Variants in EXOC6B observed in about 807,000 individuals in gnomAD.
The protein encoded by EXOC6B is SEC15 homolog B.
EXOC6B carries 54 observed loss-of-function variants against 113.5 expected under a neutral mutation model. The ratio of observed to expected loss-of-function variants is 0.48; its 90% CI spans 0.38 to 0.60. The LOEUF (loss-of-function observed/expected upper bound fraction) is 0.60, where lower values mean the gene tolerates loss of function less well. Among genes scored for constraint, EXOC6B ranks in the 20% least tolerant of loss-of-function variants. EXOC6B has a pLI of 0.00. For missense variants in EXOC6B, 797 were observed against 977.5 expected (o/e 0.82, Z 2.46); for synonymous variants, 357 against 339.0 (o/e 1.05, Z -0.58).
rs374318382 is a variant in EXOC6B at position 72,495,465 on chromosome 2, G to A, written c.1518C>T (p.Tyr506=). 2.4e-5 allele frequency: 39 copies of A among 1,604,878 alleles called. No individual in the cohort carries two copies. The highest frequency in any genetic ancestry group is 3.3e-4 in the Middle Eastern group (2 of 6,054). The change falls in exon 15 of 22, where the codon TAC becomes TAT. Residue 506 remains tyrosine, a synonymous_variant. Coordinates refer to ENST00000272427, the MANE Select transcript of EXOC6B (RefSeq NM_015189.3). ...GATCTTCTGAAAACTTCAGACAAGC[G>A]TAGATAAATTCTTTAATTTGGTTGT... ...KVYNQIKEFI[Y]ACLKFSEDLH... is the part of the protein sequence containing the mutation.
chr2:72,538,765 G>A (rs1271417623), intron 8 of EXOC6B, among the ~76,000 whole-genome samples: 5 of 152,162 alleles, frequency 3.3e-5, no homozygotes, highest in African/African-American at 7.2e-5. Flanking sequence ...AATGAAGTGA[G>A]ACATCCTGAA....
At chr2:72,207,725 A>G (rs190882422) in intron 20 of EXOC6B, among the ~76,000 whole-genome samples, 3 of 152,320 alleles carry the variant, frequency 2.0e-5, no homozygotes, top group Admixed American at 6.5e-5. Context: ...TTTGATGTAC[A>G]TTTGTCAAAA....
chr2:72,755,066 T>C (rs916838019), intron 1 of EXOC6B, among the ~76,000 whole-genome samples: 6 of 152,178 alleles, frequency 3.9e-5, no homozygotes, highest in Admixed American at 6.5e-5. Flanking sequence ...GGTATAATCA[T>C]TCACCAACTG....
chr2:72,356,619 C>T (rs1401718000), intron 19 of EXOC6B, among the ~76,000 whole-genome samples: 4 of 152,126 alleles, frequency 2.6e-5, no homozygotes, highest in African/African-American at 9.7e-5. Context: ...GAGAGAGTCC[C>T]AACTTAAAGA....
At chr2:72,246,633 G>C (rs1275187674) in intron 20 of EXOC6B, among the ~76,000 whole-genome samples, 1 of 150,360 alleles carries the variant, frequency 6.7e-6, no homozygotes, top group Admixed American at 6.7e-5. Context: ...TCATCCTCCC[G>C]AGTAACTAGG....
intron 20 of EXOC6B, among the ~76,000 whole-genome samples, chr2:72,296,082 A>G (rs1022330508): frequency 1.3e-5 from 2 of 152,102 alleles, no homozygotes; most frequent in East Asian, 1.9e-4. Flanking sequence ...AATCCTGAAC[A>G]TGTATGTCTC....
At chr2:72,532,713 C>T (rs1421830408) in intron 8 of EXOC6B, among the ~76,000 whole-genome samples, 3 of 152,026 alleles carry the variant, frequency 2.0e-5, no homozygotes, top group African/African-American at 7.2e-5. Context: ...GAGGCTGAGG[C>T]AGGAGAATTG....
chr2:72,473,004 T>C (rs1698505518), intron 17 of EXOC6B, among the ~76,000 whole-genome samples: 1 of 152,184 alleles, frequency 6.6e-6, no homozygotes, highest in Admixed American at 6.5e-5. Flanking sequence ...TCTCTTGGTA[T>C]TGATTTCTAG....
chr2:72,417,775 G>T (rs1173992492), intron 18 of EXOC6B, among the ~76,000 whole-genome samples: 3 of 152,054 alleles, frequency 2.0e-5, no homozygotes, highest in Non-Finnish European at 4.4e-5. Context: ...TCAATTTTGA[G>T]TTTATATTTG....
intron 20 of EXOC6B, among the ~76,000 whole-genome samples, chr2:72,223,874 CTT>C (rs1681034533): frequency 2.6e-5 from 4 of 152,188 alleles, no homozygotes; most frequent in Admixed American, 2.6e-4. Context: ...ACTGCTCTGT[CTT>C]TTCCCAGCTA....
intron 6 of EXOC6B, among the ~76,000 whole-genome samples, chr2:72,593,834 A>C (rs1172290838): frequency 6.6e-6 from 1 of 152,216 alleles, no homozygotes; most frequent in East Asian, 1.9e-4. Flanking sequence ...TAAACTACTA[A>C]AGCTAACTCA....
chr2:72,468,660 T>C (rs1330109640), intron 17 of EXOC6B, among the ~76,000 whole-genome samples: 1 of 152,206 alleles, frequency 6.6e-6, no homozygotes, highest in African/African-American at 2.4e-5. Flanking sequence ...TACTATTATT[T>C]ACTTTATTCC....
chr2:72,280,107 G>A (rs1685043224), intron 20 of EXOC6B, among the ~76,000 whole-genome samples: 2 of 151,660 alleles, frequency 1.3e-5, no homozygotes, highest in Non-Finnish European at 2.9e-5. Flanking sequence ...ATCTATGTAG[G>A]GCCTTAGTCA....
At chr2:72,682,377 G>A (rs1676769341) in intron 6 of EXOC6B, among the ~76,000 whole-genome samples, 1 of 152,120 alleles carries the variant, frequency 6.6e-6, no homozygotes, top group African/African-American at 2.4e-5. Context: ...AATGCAGACA[G>A]TAGTAACATA....
In EXOC6B at chr2:72,482,428, G is replaced by T. The variant is rs946896707; in HGVS notation, c.1666-1678C>A. Reference sequence around the variant, plus strand: ...TGATGGTGAGGTTGTGGCAGGTAGCGGGGAGTTTTGGTGTGTAAGGCAATG... The same window carrying T: ...TGATGGTGAGGTTGTGGCAGGTAGCTGGGAGTTTTGGTGTGTAAGGCAATG... On this transcript the variant is annotated intron_variant, in intron 16 of 21. Transcript: ENST00000272427. Among the ~76,000 whole-genome samples, 8 of 151,906 alleles carry T rather than the reference G, an allele frequency of 5.3e-5. 1 individual carries two copies. The highest frequency in any genetic ancestry group is 1.9e-4 in the African/African-American group (8 of 41,366).
At chr2:72,619,144 G>C (rs1289738403) in intron 6 of EXOC6B, among the ~76,000 whole-genome samples, 1 of 151,900 alleles carries the variant, frequency 6.6e-6, no homozygotes, top group Non-Finnish European at 1.5e-5. Context: ...CACATGGAAA[G>C]CCAGCCTAAG....
At chr2:72,612,429 C>T (rs1671131553) in intron 6 of EXOC6B, among the ~76,000 whole-genome samples, 6 of 152,202 alleles carry the variant, frequency 3.9e-5, no homozygotes, top group Admixed American at 3.3e-4. Flanking sequence ...TATCCATTAT[C>T]AATTCCCTCC....
At chr2:72,427,172 G>T (rs954907002) in intron 18 of EXOC6B, among the ~76,000 whole-genome samples, 1 of 152,244 alleles carries the variant, frequency 6.6e-6, no homozygotes, top group African/African-American at 2.4e-5. Context: ...GGCCACAGCA[G>T]TGGGGCCTGG....
intron 8 of EXOC6B, among the ~76,000 whole-genome samples, chr2:72,557,501 C>T (rs1703629282): frequency 6.6e-6 from 1 of 152,058 alleles, no homozygotes; most frequent in African/African-American, 2.4e-5. Flanking sequence ...TTTGCAGGAA[C>T]ATGGATGGAG....
Sources: gnomAD v4.1 joint callset for allele counts (sites outside exome capture counted in the v4.1 genomes callset) on GRCh38, gnomAD v4.1.1 for gene constraint, MANE v1.5 for transcripts, NCBI Gene and HGNC (gene_info 2026-07-23, HGNC 2026-07-21) for gene names.